Variants in AFG2A observed in about 807,000 individuals in gnomAD.
AFG2A encodes ATPase family gene 2 protein homolog A.
the AFG2A span, among the ~76,000 whole-genome samples, chr4:123,069,332 C>G: frequency 1.3e-5 from 2 of 152,052 alleles, no homozygotes; most frequent in African/African-American, 4.8e-5. Flanking sequence ...TCTTTTTTTG[C>G]GTAAACAAGC....
At chr4:123,058,351 G>A in the AFG2A span, among the ~76,000 whole-genome samples, 4 of 152,180 alleles carry the variant, frequency 2.6e-5, no homozygotes, top group Non-Finnish European at 4.4e-5. Context: ...CGGGCTGGGC[G>A]CCGTGGCTCA....
chr4:123,131,135 C>G, the AFG2A span, among the ~76,000 whole-genome samples: 1 of 152,090 alleles, frequency 6.6e-6, no homozygotes, highest in East Asian at 1.9e-4. Flanking sequence ...TATTCTGGAT[C>G]AAAATCCTTT....
chr4:123,264,175 A>G, the AFG2A span, among the ~76,000 whole-genome samples: 25 of 152,216 alleles, frequency 1.6e-4, no homozygotes, highest in Admixed American at 5.2e-4. Context: ...ATGCAAAGGC[A>G]TAAGAATGAT....
chr4:123,190,556 G>C, the AFG2A span, among the ~76,000 whole-genome samples: 580 of 152,182 alleles, frequency 3.8e-3, 2 homozygotes, highest in Non-Finnish European at 5.6e-3. Flanking sequence ...AGGCCTGAAG[G>C]GTACCTCTAT....
At chr4:123,298,080 A>AAC in the AFG2A span, among the ~76,000 whole-genome samples, 21 of 147,320 alleles carry the variant, frequency 1.4e-4, 1 homozygote, top group Admixed American at 1.3e-3. Context: ...ACAGTGTGAA[A>AAC]ACACACACAC....
At chr4:123,090,604 G>T in the AFG2A span, 5 of 1,614,050 alleles carry the variant, frequency 3.1e-6, no homozygotes, top group East Asian at 1.1e-4. Flanking sequence ...GAATGTAGCC[G>T]ATCGTGTTTT....
chr4:123,009,566 T>C, the AFG2A span, among the ~76,000 whole-genome samples: 1 of 152,142 alleles, frequency 6.6e-6, no homozygotes, highest in African/African-American at 2.4e-5. Context: ...TGTTTGAGGA[T>C]CCCTTGTAGA....
the AFG2A span, among the ~76,000 whole-genome samples, chr4:122,949,972 C>G: frequency 6.6e-6 from 1 of 152,206 alleles, no homozygotes; most frequent in African/African-American, 2.4e-5. Flanking sequence ...GATGTGCTCC[C>G]CAGTAGGTTG....
At chr4:123,242,945 T>A in the AFG2A span, among the ~76,000 whole-genome samples, 3 of 152,000 alleles carry the variant, frequency 2.0e-5, no homozygotes, top group Admixed American at 6.6e-5. Context: ...AAGGTATGAA[T>A]AGACATCCCT....
the AFG2A span, among the ~76,000 whole-genome samples, chr4:123,140,905 A>C: frequency 3.6e-4 from 55 of 152,206 alleles, no homozygotes; most frequent in African/African-American, 1.3e-3. Flanking sequence ...CTACTAAAAA[A>C]AATGCTCGTG....
chr4:123,148,092 A>C, the AFG2A span, among the ~76,000 whole-genome samples: 1,146 of 152,318 alleles, frequency 7.5e-3, 6 homozygotes, highest in Middle Eastern at 0.045. Flanking sequence ...AAATCACTGT[A>C]TATTTAAATC....
At chr4:123,188,727 GTTTGT>G in the AFG2A span, among the ~76,000 whole-genome samples, 2 of 152,054 alleles carry the variant, frequency 1.3e-5, no homozygotes, top group Non-Finnish European at 2.9e-5. Context: ...TTGTTTTAAT[GTTTGT>G]TTTATCTATT....
At chr4:123,125,486 A>G in the AFG2A span, among the ~76,000 whole-genome samples, 2 of 152,260 alleles carry the variant, frequency 1.3e-5, no homozygotes, top group East Asian at 3.9e-4. Context: ...GCTCATCTCA[A>G]TTTTAAAAAT....
chr4:123,169,079 G>A, the AFG2A span, among the ~76,000 whole-genome samples: 1 of 152,140 alleles, frequency 6.6e-6, no homozygotes, highest in East Asian at 1.9e-4. Context: ...TCAGAGGGTT[G>A]CACTTTCAAT....
the AFG2A span, among the ~76,000 whole-genome samples, chr4:123,311,497 C>G: frequency 1.6e-3 from 240 of 151,876 alleles, 1 homozygote; most frequent in Non-Finnish European, 1.9e-3. Context: ...CGTGGTGGCA[C>G]GCGCCCGTAG....
At chr4:123,095,793 T>C in the AFG2A span, among the ~76,000 whole-genome samples, 1 of 152,186 alleles carries the variant, frequency 6.6e-6, no homozygotes, top group Non-Finnish European at 1.5e-5. Context: ...ATTTGGCCTT[T>C]TAAATTAGCT....
the AFG2A span, among the ~76,000 whole-genome samples, chr4:123,309,779 A>G: frequency 6.6e-6 from 1 of 152,340 alleles, no homozygotes; most frequent in Non-Finnish European, 1.5e-5. Flanking sequence ...ACCAGTAAGT[A>G]GAATGCAGAT....
the AFG2A span, among the ~76,000 whole-genome samples, chr4:123,115,181 T>C: frequency 6.6e-6 from 1 of 151,768 alleles, no homozygotes; most frequent in African/African-American, 2.4e-5. Context: ...AAGTTCCCCC[T>C]GTGGACCCGG....
At chr4:123,203,940 G>A in the AFG2A span, among the ~76,000 whole-genome samples, 1,118 of 152,320 alleles carry the variant, frequency 7.3e-3, 5 homozygotes, top group Middle Eastern at 0.041. Flanking sequence ...GAAGGCTTTA[G>A]AGAAGAATCT....
Sources: gnomAD v4.1 joint callset for allele counts (sites outside exome capture counted in the v4.1 genomes callset) on GRCh38, gnomAD v4.1.1 for gene constraint, MANE v1.5 for transcripts, NCBI Gene and HGNC (gene_info 2026-07-23, HGNC 2026-07-21) for gene names.